The following ADAM23 variants were observed in gnomAD, a reference collection of about 807,000 sequenced individuals.
ADAM23 encodes disintegrin and metalloproteinase domain-containing protein 23.
In ADAM23, 33 loss-of-function variants were observed where a neutral mutation model predicts 120.1. That is an observed-to-expected ratio of 0.27 (90% CI 0.21 to 0.37). ADAM23 has a LOEUF of 0.37. ADAM23 is among the 10% of genes least tolerant of loss of function. The pLI is 1.00. For synonymous variants in ADAM23, 367 were observed against 375.2 expected (o/e 0.98, Z 0.25); for missense variants, 862 against 1,058.2 (o/e 0.81, Z 2.57).
At chr2:206,517,820 G>A (rs892355398) in intron 3 of ADAM23, among the ~76,000 whole-genome samples, 5 of 152,164 alleles carry the variant, frequency 3.3e-5, no homozygotes, top group African/African-American at 7.2e-5. Context: ...TAGTAAATTC[G>A]CCATAATGGA....
chr2:206,588,075 G>A lies in ADAM23; in HGVS notation c.1789-16G>A. ...AACTGACTCTGTGTGCCTCACATGT[G>A]TGCTCCTGTCCCCAGGGCCGCTGCT... is the stretch of plus-strand genomic sequence containing the variant. On this transcript the variant is annotated splice_polypyrimidine_tract_variant and intron_variant, in intron 19 of 25. Transcript: ENST00000264377. The A allele has an allele frequency of 6.2e-7, 1 of 1,613,978 alleles. No homozygotes were observed.
At chr2:206,477,652 C>T (rs1013225428) in intron 2 of ADAM23, among the ~76,000 whole-genome samples, 1 of 151,916 alleles carries the variant, frequency 6.6e-6, no homozygotes, top group South Asian at 2.1e-4. Context: ...TTTTGTATTA[C>T]TGAACACATT....
At chr2:206,525,467 A>G (rs1444156433) in intron 3 of ADAM23, among the ~76,000 whole-genome samples, 1 of 152,204 alleles carries the variant, frequency 6.6e-6, no homozygotes, top group African/African-American at 2.4e-5. Flanking sequence ...AGCCTTCCTC[A>G]TAGCCCAAGG....
intron 2 of ADAM23, among the ~76,000 whole-genome samples, chr2:206,466,697 TA>T (rs1307566994): frequency 1.3e-5 from 2 of 152,208 alleles, no homozygotes; most frequent in Non-Finnish European, 2.9e-5. Flanking sequence ...CAAATCGCTA[TA>T]AAGAAATACC....
At chr2:206,486,141 A>G (rs982055404) in intron 3 of ADAM23, among the ~76,000 whole-genome samples, 3 of 152,206 alleles carry the variant, frequency 2.0e-5, no homozygotes, top group African/African-American at 4.8e-5. Flanking sequence ...GGATGGCAGT[A>G]AGCATGGAAG....
At chr2:206,452,877 A>C (rs1181673025) in intron 2 of ADAM23, among the ~76,000 whole-genome samples, 1 of 152,036 alleles carries the variant, frequency 6.6e-6, no homozygotes, top group Non-Finnish European at 1.5e-5. Flanking sequence ...CGTGTCTCCC[A>C]TGACTCCATC....
At chr2:206,563,174 T>C (rs532480303) in intron 13 of ADAM23, among the ~76,000 whole-genome samples, 5 of 152,324 alleles carry the variant, frequency 3.3e-5, no homozygotes, top group Non-Finnish European at 5.9e-5. Context: ...TGTTCATTCA[T>C]ATTATTCACT....
At chr2:206,477,138 C>T (rs969460790) in intron 2 of ADAM23, among the ~76,000 whole-genome samples, 2 of 152,084 alleles carry the variant, frequency 1.3e-5, no homozygotes, top group African/African-American at 4.8e-5. Flanking sequence ...TGTATGATTG[C>T]TTAATGTCAT....
intron 24 of ADAM23, among the ~76,000 whole-genome samples, chr2:206,601,296 C>T (rs1022083273): frequency 2.0e-5 from 3 of 152,196 alleles, no homozygotes; most frequent in Non-Finnish European, 2.9e-5. Context: ...CAACCACACT[C>T]ATCAAATCAG....
intron 4 of ADAM23, among the ~76,000 whole-genome samples, chr2:206,540,495 T>C (rs1313384130): frequency 1.3e-5 from 2 of 152,092 alleles, no homozygotes; most frequent in Non-Finnish European, 2.9e-5. Context: ...TTTCTCCCGA[T>C]AACCCACCTA....
In ADAM23 at chr2:206,443,822, G is replaced by A. The variant is rs1695012095; in HGVS notation, c.-45G>A. The A allele has an allele frequency of 4.8e-6, 5 of 1,042,238 alleles. No homozygotes were observed. The highest frequency in any genetic ancestry group is 5.8e-6 in the Non-Finnish European group (5 of 864,684). The allele number at this position is 1,042,238 out of a possible 1,614,324, so 64.6% of individuals were successfully genotyped here. A position where few individuals can be genotyped will look rare whatever the true frequency, so the allele number is the denominator to read the frequency against. On this transcript the variant is annotated 5_prime_UTR_variant, in exon 1 of 26. Coordinates refer to ENST00000264377, the MANE Select transcript of ADAM23 (RefSeq NM_003812.4). ...CCGCGGCCGCCCCGCAGCTAGCCCG[G>A]CGCTCTCGCCGGCCACACGGAGCGG...
At chr2:206,615,563 CA>C (rs1427696541) in intron 25 of ADAM23, among the ~76,000 whole-genome samples, 7 of 152,196 alleles carry the variant, frequency 4.6e-5, no homozygotes, top group African/African-American at 1.7e-4. Context: ...GTCCTCATCG[CA>C]GTGTGGCCTC....
intron 22 of ADAM23, 148 bp downstream of exon 22, chr2:206,592,884 A>G (rs1698452109): frequency 9.6e-7 from 1 of 1,043,762 alleles, no homozygotes; most frequent in Non-Finnish European, 1.4e-6. Flanking sequence ...TTTCATATTG[A>G]CAGTCACTTA....
chr2:206,519,913 G>A (rs912996076), intron 3 of ADAM23, among the ~76,000 whole-genome samples: 5 of 152,124 alleles, frequency 3.3e-5, no homozygotes, highest in Non-Finnish European at 5.9e-5. Flanking sequence ...TACTTGGGAG[G>A]CCAAGGTGGG....
chr2:206,570,651 T>G, intron 15 of ADAM23, 89 bp from the exon 16 acceptor site: 1 of 953,726 alleles, frequency 1.0e-6, no homozygotes, highest in Non-Finnish European at 1.7e-6. Flanking sequence ...TGATAGCTGA[T>G]TATACGGCCA....
intron 24 of ADAM23, among the ~76,000 whole-genome samples, chr2:206,599,295 A>G (rs1698591497): frequency 6.6e-6 from 1 of 151,856 alleles, no homozygotes; most frequent in Admixed American, 6.6e-5. Context: ...CAATGGAGTC[A>G]TTGCAAAGTT....
At chr2:206,469,983 T>G (rs1695620393) in intron 2 of ADAM23, among the ~76,000 whole-genome samples, 1 of 152,212 alleles carries the variant, frequency 6.6e-6, no homozygotes, top group African/African-American at 2.4e-5. Context: ...CTCCCTAACT[T>G]ATTTTGACTC....
At chr2:206,557,846 T>C (rs549876294) in intron 10 of ADAM23, among the ~76,000 whole-genome samples, 14 of 152,340 alleles carry the variant, frequency 9.2e-5, no homozygotes, top group African/African-American at 3.1e-4. Context: ...TGGGCTTTTC[T>C]TAAATATATG....
At chr2:206,493,402 C>T (rs191832229) in intron 3 of ADAM23, among the ~76,000 whole-genome samples, 4 of 152,198 alleles carry the variant, frequency 2.6e-5, no homozygotes, top group African/African-American at 7.2e-5. Context: ...GACGGAGTTT[C>T]GCTCTTGTCA....
Sources: allele counts gnomAD v4.1 joint callset (sites outside exome capture counted in the v4.1 genomes callset), GRCh38; gene constraint gnomAD v4.1.1; transcripts MANE v1.5; gene names NCBI Gene and HGNC (gene_info 2026-07-23, HGNC 2026-07-21).